The following PACRGL variants were observed in gnomAD, a reference collection of about 807,000 sequenced individuals.
PACRGL encodes the protein parkin coregulated like, also known as PACRG-like protein.
A neutral mutation model predicts 34.5 loss-of-function variants in PACRGL; 38 were observed. The observed-to-expected ratio is 1.10, with a 90% CI of 0.85 to 1.44. PACRGL has a LOEUF of 1.44. PACRGL is among the 40% of genes most tolerant of loss of function. The pLI is 0.00. For synonymous variants in PACRGL, 128 were observed against 100.1 expected, an observed-to-expected ratio of 1.28 and a Z score of -1.66; for missense variants, 305 against 281.4, an observed-to-expected ratio of 1.08 and a Z score of -0.60.
At chr4:20,722,902 G>A (rs917641852) in intron 7 of PACRGL, among the ~76,000 whole-genome samples, 35 of 152,252 alleles carry the variant, frequency 2.3e-4, no homozygotes, top group African/African-American at 8.2e-4. Context: ...TCACAGCTGA[G>A]GTATGATTTT....
chr4:20,719,520 G>T (rs977208556), intron 7 of PACRGL, among the ~76,000 whole-genome samples: 5 of 152,104 alleles, frequency 3.3e-5, no homozygotes, highest in African/African-American at 1.2e-4. Context: ...AGAGATTCTG[G>T]TACATTGTGT....
intron 7 of PACRGL, among the ~76,000 whole-genome samples, chr4:20,719,883 C>T (rs1291537154): frequency 3.3e-5 from 5 of 151,914 alleles, no homozygotes; most frequent in Non-Finnish European, 5.9e-5. Context: ...CCTGGGTATC[C>T]TTGTTAACTT....
chr4:20,763,219 A>T, the PACRGL span, among the ~76,000 whole-genome samples: 1 of 152,190 alleles, frequency 6.6e-6, no homozygotes, highest in Non-Finnish European at 1.5e-5. Flanking sequence ...ATTTACTTTG[A>T]ATGCCATTTT....
intron 3 of PACRGL, among the ~76,000 whole-genome samples, chr4:20,706,055 A>G (rs1218841072): frequency 6.6e-6 from 1 of 151,872 alleles, no homozygotes; most frequent in Admixed American, 6.6e-5. Flanking sequence ...AGTATAGTAT[A>G]TAACATTAAT....
chr4:20,708,748 A>G (rs1249249990), intron 4 of PACRGL, among the ~76,000 whole-genome samples: 1 of 152,198 alleles, frequency 6.6e-6, no homozygotes, highest in African/African-American at 2.4e-5. Flanking sequence ...TTGATGGATT[A>G]AGTTCACTGT....
chr4:20,730,085 A>AATCACATTT lies in PACRGL; in HGVS notation c.*2745_*2753dup. ...GATTCAGGATCTATTTGACAAGTTAAATCACATTTTCAAAGAGCTGCATGG... is the reference window on the plus strand; with the variant it reads ...GATTCAGGATCTATTTGACAAGTTAAATCACATTTATCACATTTTCAAAGAGCTGCATGG... On this transcript the variant is annotated 3_prime_UTR_variant, in exon 9 of 9. Transcript: ENST00000503585. 6.2e-7 allele frequency: 1 copy of AATCACATTT among 1,608,720 alleles called. No individual in the cohort carries two copies. The highest frequency in any genetic ancestry group is 8.5e-7 in the Non-Finnish European group (1 of 1,178,274).
intron 7 of PACRGL, among the ~76,000 whole-genome samples, chr4:20,722,109 T>C (rs926376605): frequency 1.3e-5 from 2 of 152,248 alleles, no homozygotes; most frequent in African/African-American, 2.4e-5. Flanking sequence ...TCCATGGGCA[T>C]GGGACTCTCT....
rs1264823877 is a variant in PACRGL, at chr4:20,748,558, TTTTATATATATATATATATATATA to T, written c.*57-4005_*57-3982del. Among the ~76,000 whole-genome samples, 692 of 118,554 alleles carry T rather than the reference TTTTATATATATATATATATATATA, an allele frequency of 5.8e-3. 10 individuals are homozygous for T. Among genetic ancestry groups the T allele is most frequent in the African/African-American group, 0.019 (618 of 32,192 alleles). 77.8% of individuals were successfully genotyped at this position (118,554 alleles called of 152,430 possible). Reference sequence around the variant, plus strand: ...TCCAAAAATAAATGCACCTTCCAAATTTTATATATATATATATATATATATATATATATATATATATATATATTC... The same window carrying T: ...TCCAAAAATAAATGCACCTTCCAAATTATATATATATATATATATATATTC... On this transcript the variant is annotated intron_variant, in intron 8 of 8. Coordinates refer to the PACRGL transcript ENST00000507634.
chr4:20,759,564 C>T, the PACRGL span, among the ~76,000 whole-genome samples: 1 of 152,122 alleles, frequency 6.6e-6, no homozygotes, highest in South Asian at 2.1e-4. Context: ...TTGGGAACTA[C>T]ACCCATGTTG....
At chr4:20,701,120 G>A (rs1482645170) in intron 1 of PACRGL, among the ~76,000 whole-genome samples, 1 of 152,158 alleles carries the variant, frequency 6.6e-6, no homozygotes, top group Non-Finnish European at 1.5e-5. Context: ...TACACGTTTG[G>A]AACTTTCTAG....
chr4:20,710,910 G>A (rs1736840029), intron 5 of PACRGL, among the ~76,000 whole-genome samples: 1 of 152,074 alleles, frequency 6.6e-6, no homozygotes, highest in Non-Finnish European at 1.5e-5. Context: ...AGGTTAGGCT[G>A]GGTGCTGTGG....
chr4:20,750,383 G>A (rs1753390936), intron 8 of PACRGL, among the ~76,000 whole-genome samples: 1 of 152,056 alleles, frequency 6.6e-6, no homozygotes, highest in Admixed American at 6.6e-5. Flanking sequence ...TTCTGTGGCT[G>A]TGTTGGAAGG....
chr4:20,700,256 T>A (rs1469806157), upstream of PACRGL, among the ~76,000 whole-genome samples: 2 of 152,140 alleles, frequency 1.3e-5, no homozygotes, highest in African/African-American at 4.8e-5. Flanking sequence ...TCGAAAAACA[T>A]CCTCCACCAC....
intron 7 of PACRGL, chr4:20,718,938 C>T (rs1560344704): frequency 6.6e-6 from 1 of 152,210 alleles, no homozygotes; most frequent in African/African-American, 2.4e-5. Flanking sequence ...TGGTGGAATT[C>T]AGCTGTGAAT....
chr4:20,717,019 T>C (rs936486135), intron 7 of PACRGL, among the ~76,000 whole-genome samples: 25 of 152,184 alleles, frequency 1.6e-4, no homozygotes, highest in Non-Finnish European at 3.5e-4. Context: ...TTTTAATGAT[T>C]GCCATTCTAA....
intron 7 of PACRGL, among the ~76,000 whole-genome samples, chr4:20,717,382 T>G (rs527897110): frequency 9.6e-4 from 146 of 152,302 alleles, no homozygotes; most frequent in African/African-American, 3.3e-3. Flanking sequence ...CATTGCTTTT[T>G]GTGTTTTAGA....
chr4:20,732,884 G>C (rs1375613991), downstream of PACRGL: 2 of 729,774 alleles, frequency 2.7e-6, no homozygotes, highest in Non-Finnish European at 4.4e-6. Flanking sequence ...TTAAATTTTT[G>C]ACTTTTTGTT....
intron 7 of PACRGL, among the ~76,000 whole-genome samples, chr4:20,723,588 ATAGCCTC>A (rs1451376172): frequency 6.6e-6 from 1 of 152,152 alleles, no homozygotes; most frequent in Non-Finnish European, 1.5e-5. Flanking sequence ...GGCTTCCTAA[ATAGCCTC>A]TAAGTCCCAC....
At chr4:20,749,459 T>G (rs1001139868) in intron 8 of PACRGL, among the ~76,000 whole-genome samples, 1 of 152,150 alleles carries the variant, frequency 6.6e-6, no homozygotes, top group Non-Finnish European at 1.5e-5. Flanking sequence ...TGAGCCGATA[T>G]AAAGCATTAG....
Sources: allele counts gnomAD v4.1 joint callset (sites outside exome capture counted in the v4.1 genomes callset), GRCh38; gene constraint gnomAD v4.1.1; transcripts MANE v1.5; gene names NCBI Gene and HGNC (gene_info 2026-07-23, HGNC 2026-07-21).